Variants in NOX4 observed in about 807,000 individuals in gnomAD.
The protein encoded by NOX4 is NADPH oxidase 4, also known as kidney oxidase-1.
In NOX4, 69 loss-of-function variants were observed where a neutral mutation model predicts 87.6. The observed-to-expected ratio is 0.79, with a 90% CI of 0.65 to 0.96. NOX4 has a LOEUF of 0.96. NOX4 is among the 40% of genes least tolerant of loss of function. NOX4 has a pLI of 0.00. For missense variants in NOX4, 680 were observed against 681.5 expected, an observed-to-expected ratio of 1.00 and a Z score of 0.02; for synonymous variants, 275 against 238.2, an observed-to-expected ratio of 1.15 and a Z score of -1.42.
chr11:89,349,693 A>G (rs144180200), intron 13 of NOX4, among the ~76,000 whole-genome samples: 2,020 of 152,300 alleles, frequency 0.013, 42 homozygotes, highest in African/African-American at 0.046. Context: ...TAGGAAGCTC[A>G]GAGAACTTGA....
intron 11 of NOX4, among the ~76,000 whole-genome samples, chr11:89,379,329 G>A (rs1177619285): frequency 2.6e-5 from 4 of 151,562 alleles, no homozygotes; most frequent in Admixed American, 2.6e-4. Context: ...GAAAAACCCA[G>A]GTCTCAGTGT....
chr11:89,571,670 A>G, the NOX4 span, among the ~76,000 whole-genome samples: 1 of 149,850 alleles, frequency 6.7e-6, no homozygotes, highest in Non-Finnish European at 1.5e-5. Context: ...TCTTTGTAAA[A>G]CATGCATTGT....
At chr11:89,437,883 T>C (rs1170202587) in intron 6 of NOX4, among the ~76,000 whole-genome samples, 1 of 152,218 alleles carries the variant, frequency 6.6e-6, no homozygotes, top group African/African-American at 2.4e-5. Flanking sequence ...TCCTCTCACA[T>C]ACTTTAAATT....
chr11:89,363,587 A>G (rs1336195561), intron 12 of NOX4, among the ~76,000 whole-genome samples: 4 of 152,226 alleles, frequency 2.6e-5, no homozygotes, highest in African/African-American at 9.6e-5. Flanking sequence ...GAAGCACATT[A>G]TTTCTAGGGA....
the NOX4 span, among the ~76,000 whole-genome samples, chr11:89,558,704 C>T: frequency 2.0e-5 from 3 of 152,078 alleles, no homozygotes; most frequent in African/African-American, 2.4e-5. Flanking sequence ...CCCAAGGATT[C>T]GTTGGCACAA....
intron 2 of NOX4, among the ~76,000 whole-genome samples, chr11:89,453,361 T>G (rs1332659131): frequency 6.6e-6 from 1 of 152,218 alleles, no homozygotes; most frequent in Non-Finnish European, 1.5e-5. Context: ...TAATCCATGT[T>G]GTTGAAAATG....
chr11:89,467,383 CT>C (rs1321415913), intron 2 of NOX4, among the ~76,000 whole-genome samples: 1 of 137,938 alleles, frequency 7.2e-6, no homozygotes, highest in East Asian at 2.2e-4. Flanking sequence ...AAAAATTTGT[CT>C]TTATCTTTTT....
At chr11:89,368,702 G>A (rs1296869982) in intron 12 of NOX4, among the ~76,000 whole-genome samples, 3 of 151,944 alleles carry the variant, frequency 2.0e-5, no homozygotes, top group East Asian at 1.9e-4. Context: ...TTCAATATAC[G>A]AATTACAGGG....
At chr11:89,529,199 C>G in the NOX4 span, among the ~76,000 whole-genome samples, 1 of 152,170 alleles carries the variant, frequency 6.6e-6, no homozygotes, top group Non-Finnish European at 1.5e-5. Context: ...CATCTAATCC[C>G]TCTCTCAGTG....
At chr11:89,477,641 T>C (rs1427325918) in intron 2 of NOX4, among the ~76,000 whole-genome samples, 6 of 152,194 alleles carry the variant, frequency 3.9e-5, no homozygotes, top group Non-Finnish European at 4.4e-5. Flanking sequence ...CTGAGGTATA[T>C]GTTTAATTAA....
At chr11:89,370,330 T>C (rs1939348350) in intron 12 of NOX4, among the ~76,000 whole-genome samples, 1 of 151,830 alleles carries the variant, frequency 6.6e-6, no homozygotes, top group African/African-American at 2.4e-5. Flanking sequence ...CATTAACTGC[T>C]GAAGGGATCA....
At chr11:89,513,485 A>C in the NOX4 span, among the ~76,000 whole-genome samples, 1 of 152,204 alleles carries the variant, frequency 6.6e-6, no homozygotes, top group African/African-American at 2.4e-5. Context: ...GATATGCAAT[A>C]GAAATTAAGG....
intron 11 of NOX4, among the ~76,000 whole-genome samples, chr11:89,387,153 A>G (rs974002572): frequency 6.6e-6 from 1 of 151,742 alleles, no homozygotes; most frequent in African/African-American, 2.4e-5. Flanking sequence ...CTTTACCACT[A>G]TTTTGTTTTA....
intron 2 of NOX4, among the ~76,000 whole-genome samples, chr11:89,486,439 A>T (rs1946600748): frequency 6.7e-6 from 1 of 149,236 alleles, no homozygotes; most frequent in Admixed American, 6.7e-5. Context: ...AATTACATGC[A>T]TGTGCCACCA....
upstream of NOX4, among the ~76,000 whole-genome samples, chr11:89,493,383 T>C (rs1946909054): frequency 7.1e-6 from 1 of 141,526 alleles, no homozygotes; most frequent in African/African-American, 2.6e-5. Context: ...AGCAAGACTC[T>C]ATCTCAAAAA....
At position 89,325,762 on chromosome 11, in the gene NOX4, A is replaced by T. The variant is rs1395470288; in HGVS notation, c.*994T>A. The T allele has an allele frequency of 1.3e-5, 2 of 151,940 alleles. No individual in the cohort carries two copies. Among genetic ancestry groups the T allele is most frequent in the African/African-American group, 4.8e-5 (2 of 41,358 alleles). 9.4% of individuals were successfully genotyped at this position (151,940 alleles called of 1,614,324 possible). On this transcript the variant is annotated 3_prime_UTR_variant, in exon 18 of 18. Transcript: ENST00000263317. ...GACACACATGATGTCCTTTGGTCTC[A>T]AAGTGCAAATTAACTAACTATCCTT...
chr11:89,579,452 A>T, the NOX4 span, among the ~76,000 whole-genome samples: 2 of 152,060 alleles, frequency 1.3e-5, no homozygotes, highest in Non-Finnish European at 2.9e-5. Flanking sequence ...CAATTTTGCT[A>T]TGAACCTAAA....
At chr11:89,506,905 A>G in the NOX4 span, among the ~76,000 whole-genome samples, 9 of 152,050 alleles carry the variant, frequency 5.9e-5, no homozygotes, top group African/African-American at 2.2e-4. Flanking sequence ...TAAGATTAAA[A>G]AGGCTTTAAA....
At position 89,421,949 on chromosome 11, in the gene NOX4, AT is replaced by A. The variant is rs1247830724; in HGVS notation, c.581del (p.His194LeufsTer11). On this transcript the variant is annotated frameshift_variant, in exon 8 of 18. Coordinates refer to ENST00000263317, the MANE Select transcript of NOX4 (RefSeq NM_016931.5). LOFTEE classifies it high-confidence loss of function. The stretch of plus-strand genomic sequence containing the variant: ...GCATGTAGAAGACAAAGAAGAGGTT[AT>A]GAGTATACCAGAAGATATCATAGTT... ...VSNYDIFWYT[H>X]NLFFVFYMLL... 2 of 1,568,386 alleles carry A rather than the reference AT, an allele frequency of 1.3e-6. No homozygotes were observed. Among genetic ancestry groups the A allele is most frequent in the Admixed American group, 3.9e-5 (2 of 51,342 alleles).
Sources: gnomAD v4.1 joint callset for allele counts (sites outside exome capture counted in the v4.1 genomes callset) on GRCh38, gnomAD v4.1.1 for gene constraint, MANE v1.5 for transcripts, NCBI Gene and HGNC (gene_info 2026-07-23, HGNC 2026-07-21) for gene names.